Variants in ZNF77 observed in about 807,000 individuals in gnomAD.
ZNF77 encodes ZNFpT1.
In ZNF77, 15 loss-of-function variants were observed where a neutral mutation model predicts 13.5. The ratio of observed to expected loss-of-function variants is 1.11; its 90% CI spans 0.74 to 1.71. ZNF77 has a LOEUF of 1.71. Among genes scored for constraint, ZNF77 ranks in the 40% most tolerant of loss-of-function variants. The pLI, the probability that ZNF77 is intolerant of heterozygous loss-of-function variation, is 0.00. For synonymous variants in ZNF77, 282 were observed against 250.0 expected (o/e 1.13, Z -1.21); for missense variants, 717 against 676.4 (o/e 1.06, Z -0.67).
At position 2,933,885 on chromosome 19, in the gene ZNF77, C is replaced by A; in HGVS notation, c.1242G>T (p.Gly414=). The stretch of plus-strand genomic sequence containing the variant: ...GGGAGGAGGAAAAACTGTAGGCTTT[C>A]CCACACTCTTTACATTGATAGGGCT... The part of the protein sequence containing the change: ...GVKPYQCKEC[G]KAYSFSSSLR... Residue 414 remains glycine (G), a synonymous_variant, in exon 4 of 4, where the codon GGG becomes GGT. Transcript: ENST00000314531. 1 of 1,611,566 alleles carries A rather than the reference C, an allele frequency of 6.2e-7. No homozygotes were observed. The highest frequency in any genetic ancestry group is 8.5e-7 in the Non-Finnish European group (1 of 1,179,338).
intron 1 of ZNF77, 35 bp downstream of exon 1, chr19:2,944,803 C>A: frequency 6.6e-7 from 1 of 1,510,948 alleles, no homozygotes; most frequent in South Asian, 1.2e-5. Flanking sequence ...CCCACCTCGC[C>A]CTGGGCCCGG....
intron 2 of ZNF77, among the ~76,000 whole-genome samples, chr19:2,937,440 G>A (rs1225359440): frequency 2.0e-5 from 3 of 151,470 alleles, no homozygotes; most frequent in East Asian, 1.9e-4. Flanking sequence ...AGCCAAGATC[G>A]CACCATTGCA....
intron 1 of ZNF77, 68 bp downstream of exon 1, chr19:2,944,769 CG>C: frequency 6.8e-7 from 1 of 1,473,938 alleles, no homozygotes; most frequent in South Asian, 1.3e-5. Flanking sequence ...GCTGCGAACT[CG>C]GGCGGAAGCC....
Position 2,944,876 on chromosome 19 carries a change from C to A in ZNF77, c.-36G>T. The A allele has an allele frequency of 6.6e-7, 1 of 1,523,232 alleles. No homozygotes were observed. The highest frequency in any genetic ancestry group is 8.8e-7 in the Non-Finnish European group (1 of 1,141,454). 94.4% of individuals were successfully genotyped at this position (1,523,232 alleles called of 1,614,324 possible). A position where few individuals can be genotyped will look rare whatever the true frequency, so the allele number is the denominator to read the frequency against. ...CTCCTGGGCTCTCCAGGGTTAGCGCCCCGCGGTCCAGCGACCGGCGCAGGT... is the reference window on the plus strand; with the variant it reads ...CTCCTGGGCTCTCCAGGGTTAGCGCACCGCGGTCCAGCGACCGGCGCAGGT... On this transcript the variant is annotated 5_prime_UTR_variant, in exon 1 of 4. Transcript: ENST00000314531.
At chr19:2,939,487 C>T in intron 1 of ZNF77, 80 bp from the exon 2 acceptor site, 1 of 1,577,914 alleles carries the variant, frequency 6.3e-7, no homozygotes, top group Non-Finnish European at 8.6e-7. Context: ...GGCTGACAGC[C>T]TGGGGAACTG....
rs769651289 is a variant in ZNF77 at position 2,933,772 on chromosome 19, C to T, written c.1355G>A (p.Arg452Gln). ...TCCGCTGTGGGTTCGCACATGCTCT[C>T]GAAGGGAGGAGTGACAGCTGAAGGC... Reference protein sequence around the residue: ...GKAFSCHSSLREHVRTHSGEK... With the variant: ...GKAFSCHSSLQEHVRTHSGEK... The change falls in exon 4 of 4, where the codon CGA becomes CAA. Residue 452 changes from arginine to glutamine, a missense_variant. Transcript: ENST00000314531. The T allele has an allele frequency of 1.2e-5, 19 of 1,612,968 alleles. No individual in the cohort carries two copies. The highest frequency in any genetic ancestry group is 3.3e-4 in the Middle Eastern group (2 of 6,084).
intron 1 of ZNF77, among the ~76,000 whole-genome samples, chr19:2,943,352 T>C (rs933791463): frequency 6.6e-6 from 1 of 152,014 alleles, no homozygotes; most frequent in Admixed American, 6.6e-5. Flanking sequence ...AAAGTTTCCT[T>C]ACTACGTTTG....
intron 2 of ZNF77, among the ~76,000 whole-genome samples, chr19:2,938,204 T>G (rs544515009): frequency 6.6e-6 from 1 of 152,200 alleles, no homozygotes; most frequent in Non-Finnish European, 1.5e-5. Context: ...CCCTCAGGTG[T>G]GAGCACCACC....
At chr19:2,938,021 T>C (rs1350946791) in intron 2 of ZNF77, among the ~76,000 whole-genome samples, 1 of 152,162 alleles carries the variant, frequency 6.6e-6, no homozygotes, top group East Asian at 1.9e-4. Flanking sequence ...CCTTCCAAAG[T>C]GCTGGGATTA....
chr19:2,933,351 C>A lies in ZNF77; in HGVS notation c.*138G>T, dbSNP rs543173386. On this transcript the variant is annotated 3_prime_UTR_variant, in exon 4 of 4. Transcript: ENST00000314531. ...CATATTAATCATAATTAAGAGATTT[C>A]TCTCCTACTCTGAATTTTTAGGTAC... 3 of 1,018,972 alleles carry A rather than the reference C, an allele frequency of 2.9e-6. No homozygotes were observed. Among genetic ancestry groups the A allele is most frequent in the South Asian group, 2.1e-5 (1 of 47,672 alleles). The allele number at this position is 1,018,972 out of a possible 1,614,324, so 63.1% of individuals were successfully genotyped here. A position where few individuals can be genotyped will look rare whatever the true frequency, so the allele number is the denominator to read the frequency against.
At chr19:2,939,656 T>C in intron 1 of ZNF77, 1 of 482,022 alleles carries the variant, frequency 2.1e-6, no homozygotes, top group Non-Finnish European at 3.7e-6. Flanking sequence ...GGTATGAGGG[T>C]GGGGAAACAC....
At chr19:2,940,102 TGAGGCCAG>T in intron 1 of ZNF77, among the ~76,000 whole-genome samples, 1 of 152,160 alleles carries the variant, frequency 6.6e-6, no homozygotes, top group South Asian at 2.1e-4. Flanking sequence ...GAAGATCGCT[TGAGGCCAG>T]GAGTTCAAGA....
Position 2,933,944 on chromosome 19 carries a change from A to G in ZNF77, c.1183T>C (p.Phe395Leu), listed in dbSNP as rs61741564. 7 of 1,613,030 alleles carry G rather than the reference A, an allele frequency of 4.3e-6. No individual in the cohort carries two copies. In the African/African-American group the frequency reaches 8.0e-5, roughly 19 times the overall value. Reference sequence around the variant, plus strand: ...CTGTGTGTTTTCACATGTCTTCTAAAGTAAGTGGGACATCCGAAGGCCTTC... The same window carrying G: ...CTGTGTGTTTTCACATGTCTTCTAAGGTAAGTGGGACATCCGAAGGCCTTC... ...CGKAFGCPTY[F>L]RRHVKTHSGV... Residue 395 changes from phenylalanine to leucine, a missense_variant, in exon 4 of 4, where the codon TTT becomes CTT. By Grantham distance (22) the Phe-to-Leu change is conservative. Transcript: ENST00000314531.
chr19:2,937,980 C>T (rs2088412585), intron 2 of ZNF77, among the ~76,000 whole-genome samples: 1 of 152,204 alleles, frequency 6.6e-6, no homozygotes. Context: ...TGGTCTTGAA[C>T]TCCTGACCTT....
chr19:2,942,165 CG>C (rs1364926183), intron 1 of ZNF77, among the ~76,000 whole-genome samples: 1 of 151,090 alleles, frequency 6.6e-6, no homozygotes, highest in African/African-American at 2.4e-5. Context: ...TCCGCCTCCC[CG>C]GTTCAAGCGA....
At chr19:2,936,838 TGA>T (rs2088402521) in intron 2 of ZNF77, 134 bp from the exon 3 acceptor site, 1 of 803,692 alleles carries the variant, frequency 1.2e-6, no homozygotes, top group Non-Finnish European at 1.9e-6. Flanking sequence ...GCTATCAAAG[TGA>T]GACTCTGAGG....
At chr19:2,940,468 A>T (rs2088439296) in intron 1 of ZNF77, among the ~76,000 whole-genome samples, 1 of 152,010 alleles carries the variant, frequency 6.6e-6, no homozygotes, top group Non-Finnish European at 1.5e-5. Flanking sequence ...AGGTTAAGAG[A>T]TCAAGACCAT....
At chr19:2,943,692 A>ATTTTTTTT (rs10633206) in intron 1 of ZNF77, among the ~76,000 whole-genome samples, 36 of 76,700 alleles carry the variant, frequency 4.7e-4, no homozygotes, top group African/African-American at 9.1e-4. Flanking sequence ...TCTAGCCAGG[A>ATTTTTTTT]TTTTTTTTTT....
intron 2 of ZNF77, among the ~76,000 whole-genome samples, chr19:2,938,689 G>A (rs531460305): frequency 1.3e-4 from 20 of 152,298 alleles, no homozygotes; most frequent in African/African-American, 3.6e-4. Context: ...GGGCGCGGTG[G>A]CTCACGCCTG....
Sources: allele counts gnomAD v4.1 joint callset (sites outside exome capture counted in the v4.1 genomes callset), GRCh38; gene constraint gnomAD v4.1.1; transcripts MANE v1.5; gene names NCBI Gene and HGNC (gene_info 2026-07-23, HGNC 2026-07-21).